The following CEP152 variants were observed in gnomAD, a reference collection of about 807,000 sequenced individuals.
CEP152 encodes centrosomal protein 152.
Under a neutral mutation model 188.9 loss-of-function variants are expected in CEP152, and 132 were observed. The ratio of observed to expected loss-of-function variants is 0.70; its 90% CI spans 0.61 to 0.81. The LOEUF (loss-of-function observed/expected upper bound fraction) is 0.81, where lower values mean the gene tolerates loss of function less well. Among genes scored for constraint, CEP152 ranks in the 30% least tolerant of loss-of-function variants. The pLI is 0.00. For synonymous variants in CEP152, 649 were observed against 666.6 expected, an observed-to-expected ratio of 0.97 and a Z score of 0.41; for missense variants, 1,914 against 1,969.8, an observed-to-expected ratio of 0.97 and a Z score of 0.54.
At chr15:48,799,610 G>A (rs921252519) in intron 2 of CEP152, among the ~76,000 whole-genome samples, 1 of 152,084 alleles carries the variant, frequency 6.6e-6, no homozygotes, top group Non-Finnish European at 1.5e-5. Context: ...CTCATTAAAT[G>A]CTCATCTCCA....
At chr15:48,732,715 TA>T (rs912282456) in intron 2 of CEP152, among the ~76,000 whole-genome samples, 6 of 150,890 alleles carry the variant, frequency 4.0e-5, no homozygotes, top group African/African-American at 7.3e-5. Context: ...AATCTCTGGT[TA>T]AAAAAAAAGT....
Position 48,752,515 on chromosome 15 carries a change from T to C in CEP152, c.3346-46A>G, listed in dbSNP as rs142727707. The C allele has an allele frequency of 5.1e-5, 82 of 1,593,880 alleles. No individual in the cohort carries two copies. The African/African-American group carries it at 9.5e-4, about 19-fold the overall frequency. Reference sequence around the variant, plus strand: ...AGTTAATGCTTAGTAAAAATCTTTATACAATTTTATATTTAAAATGCTAAT... The same window carrying C: ...AGTTAATGCTTAGTAAAAATCTTTACACAATTTTATATTTAAAATGCTAAT... On this transcript the variant is annotated intron_variant, in intron 20 of 26. Transcript: ENST00000380950.
Position 48,744,891 on chromosome 15 carries a change from T to C in CEP152, c.3731+5A>G, listed in dbSNP as rs1893290355. 3.1e-6 allele frequency: 5 copies of C among 1,604,854 alleles called. No homozygotes were observed. The African/African-American group carries it at 5.4e-5, about 17-fold the overall frequency. ...AAATAGCACTTTAAAATAGTAAAAG[T>C]ATACCTTGGTGGTGTTTTACAAAGT... On this transcript the variant is annotated splice_donor_5th_base_variant and intron_variant, in intron 23 of 26. Transcript: ENST00000380950.
chr15:48,755,844 A>G, intron 20 of CEP152, 59 bp downstream of exon 20: 1 of 1,607,558 alleles, frequency 6.2e-7, no homozygotes, highest in Non-Finnish European at 8.5e-7. Flanking sequence ...AAAACACTAT[A>G]TACAACTTCT....
chr15:48,763,136 T>C (rs2140721373), intron 17 of CEP152, among the ~76,000 whole-genome samples: 1 of 152,350 alleles, frequency 6.6e-6, no homozygotes, highest in South Asian at 2.1e-4. Flanking sequence ...TTATTTGTTA[T>C]AGTGTTAAAT....
rs147098436 is a variant in CEP152 at position 48,796,453 on chromosome 15, A to G, written c.541-293T>C. On this transcript the variant is annotated intron_variant, in intron 5 of 26. Coordinates refer to ENST00000380950, the MANE Select transcript of CEP152 (RefSeq NM_001194998.2). ...CAATGAAGGCAATTTTATAAATAAA[A>G]CCCAAGAATTCCAATAAGACTATAT... is the stretch of plus-strand genomic sequence containing the variant. 1.3e-3 allele frequency among the ~76,000 whole-genome samples: 203 copies of G among 152,184 alleles called. 1 individual carries two copies. Among genetic ancestry groups the G allele is most frequent in the African/African-American group, 4.6e-3 (189 of 41,512 alleles).
intron 8 of CEP152, 37 bp from the exon 9 acceptor site, chr15:48,789,038 TAC>T: frequency 6.5e-7 from 1 of 1,536,396 alleles, no homozygotes. Flanking sequence ...GTTTAAAATA[TAC>T]ACAGAGTATT....
At chr15:48,802,317 T>C (rs1464179011) in intron 2 of CEP152, among the ~76,000 whole-genome samples, 1 of 152,152 alleles carries the variant, frequency 6.6e-6, no homozygotes, top group African/African-American at 2.4e-5. Context: ...TCTCAAGTGG[T>C]ACAATCAGAA....
intron 26 of CEP152, chr15:48,740,439 C>G (rs1207030128): frequency 6.6e-6 from 1 of 151,838 alleles, no homozygotes; most frequent in Non-Finnish European, 1.5e-5. Context: ...TGAGTTTAAC[C>G]TACTTATATT....
Position 48,787,613 on chromosome 15 carries a change from G to A in CEP152, c.1173+1188C>T, listed in dbSNP as rs531861421. Reference sequence around the variant, plus strand: ...TAAAATAAAATGATAAATAATTATTGCCAGTAATGCACTCTTATATAGTTC... The same window carrying A: ...TAAAATAAAATGATAAATAATTATTACCAGTAATGCACTCTTATATAGTTC... On this transcript the variant is annotated intron_variant, in intron 9 of 26. Coordinates refer to ENST00000380950, the MANE Select transcript of CEP152 (RefSeq NM_001194998.2). 4.3e-4 allele frequency among the ~76,000 whole-genome samples: 66 copies of A among 152,016 alleles called. 1 individual carries two copies. The highest frequency in any genetic ancestry group is 1.4e-3 in the African/African-American group (60 of 41,468).
At chr15:48,732,328 A>G (rs983239756) in intron 2 of CEP152, among the ~76,000 whole-genome samples, 1 of 152,244 alleles carries the variant, frequency 6.6e-6, no homozygotes, top group Non-Finnish European at 1.5e-5. Context: ...TGTGGTACAT[A>G]CACACCATGG....
intron 21 of CEP152, among the ~76,000 whole-genome samples, 174 bp from the exon 22 acceptor site, chr15:48,748,784 C>A (rs906058301): frequency 6.6e-6 from 1 of 151,536 alleles, no homozygotes; most frequent in Non-Finnish European, 1.5e-5. Flanking sequence ...ATTGTTTCTG[C>A]TGCTTACTGG....
intron 1 of CEP152, among the ~76,000 whole-genome samples, chr15:48,809,951 A>T (rs1448194063): frequency 6.6e-6 from 1 of 152,158 alleles, no homozygotes; most frequent in Non-Finnish European, 1.5e-5. Flanking sequence ...TGCCCTCCCA[A>T]GCCTGTTCCC....
At chr15:48,808,577 G>A (rs1301569495) in intron 1 of CEP152, among the ~76,000 whole-genome samples, 4 of 151,928 alleles carry the variant, frequency 2.6e-5, no homozygotes, top group Non-Finnish European at 4.4e-5. Context: ...GCTTAAGCTC[G>A]TGATGTTTCA....
chr15:48,805,720 A>T, intron 1 of CEP152, 64 bp from the exon 2 acceptor site: 2 of 1,602,602 alleles, frequency 1.2e-6, no homozygotes, highest in African/African-American at 1.3e-5. Context: ...GACAAACTAC[A>T]TAAGAGATGC....
At chr15:48,758,789 G>A in intron 19 of CEP152, among the ~76,000 whole-genome samples, 1 of 151,052 alleles carries the variant, frequency 6.6e-6, no homozygotes, top group East Asian at 1.9e-4. Flanking sequence ...TCTCTAGGAG[G>A]AAAGCCCAGA....
At chr15:48,761,199 T>A (rs1364698050) in intron 18 of CEP152, among the ~76,000 whole-genome samples, 1 of 152,164 alleles carries the variant, frequency 6.6e-6, no homozygotes, top group Non-Finnish European at 1.5e-5. Context: ...GAAACCCCCT[T>A]CAGTAAACAT....
At chr15:48,776,762 CAG>C (rs1299226801) in intron 12 of CEP152, among the ~76,000 whole-genome samples, 3 of 151,846 alleles carry the variant, frequency 2.0e-5, no homozygotes, top group Admixed American at 2.0e-4. Context: ...ACATACAAAA[CAG>C]GTGATGTGGA....
chr15:48,802,538 G>A (rs1276877912), intron 2 of CEP152, among the ~76,000 whole-genome samples: 1 of 152,104 alleles, frequency 6.6e-6, no homozygotes, highest in Non-Finnish European at 1.5e-5. Flanking sequence ...TTTATGCCTT[G>A]ACTCACAGTG....
Sources: gnomAD v4.1 joint callset for allele counts (sites outside exome capture counted in the v4.1 genomes callset) on GRCh38, gnomAD v4.1.1 for gene constraint, MANE v1.5 for transcripts, NCBI Gene and HGNC (gene_info 2026-07-23, HGNC 2026-07-21) for gene names.